Variants in GRM8 observed in about 807,000 individuals in gnomAD.
GRM8 encodes glutamate metabotropic receptor 8.
A neutral mutation model predicts 87.2 loss-of-function variants in GRM8; 47 were observed. The observed-to-expected ratio is 0.54, with a 90% CI of 0.43 to 0.69. The LOEUF is 0.69. Ranked by LOEUF, GRM8 falls within the 30% of genes least tolerant of loss-of-function variation. The probability of loss-of-function intolerance (pLI) is 0.00; values close to 1 mark genes in which losing one functional copy is unlikely to be tolerated. For missense variants in GRM8, 1,019 were observed against 1,139.2 expected, an observed-to-expected ratio of 0.89 and a Z score of 1.52; for synonymous variants, 396 against 404.5, an observed-to-expected ratio of 0.98 and a Z score of 0.25.
At chr7:126,849,669 T>C (rs1797025065) in intron 6 of GRM8, among the ~76,000 whole-genome samples, 1 of 152,152 alleles carries the variant, frequency 6.6e-6, no homozygotes, top group South Asian at 2.1e-4. Flanking sequence ...TCTCCTATCC[T>C]CACTGTCAGC....
At chr7:126,467,751 G>A (rs138114096) in intron 9 of GRM8, among the ~76,000 whole-genome samples, 165 of 152,036 alleles carry the variant, frequency 1.1e-3, no homozygotes, top group Non-Finnish European at 1.4e-3. Context: ...AATGTATTCT[G>A]AAAACAAAAT....
At chr7:126,582,654 T>G (rs570208597) in intron 8 of GRM8, among the ~76,000 whole-genome samples, 1 of 152,198 alleles carries the variant, frequency 6.6e-6, no homozygotes, top group Admixed American at 6.5e-5. Context: ...TCTGACTCTC[T>G]TATTAGGGCC....
At chr7:127,118,397 G>A (rs995855634) in intron 2 of GRM8, 1 of 152,022 alleles carries the variant, frequency 6.6e-6, no homozygotes, top group Non-Finnish European at 1.5e-5. Context: ...GTATCCAAAG[G>A]GCAATACATT....
chr7:127,191,916 T>G (rs1271589364), intron 2 of GRM8, among the ~76,000 whole-genome samples: 1 of 152,150 alleles, frequency 6.6e-6, no homozygotes. Flanking sequence ...TTAAATTGAT[T>G]TAGGGACACC....
chr7:127,023,256 T>G (rs1816454940), intron 3 of GRM8, among the ~76,000 whole-genome samples: 1 of 152,154 alleles, frequency 6.6e-6, no homozygotes, highest in South Asian at 2.1e-4. Flanking sequence ...AGTTTATTAT[T>G]ATGGCAAATC....
chr7:126,798,131 G>A (rs1265977478), intron 6 of GRM8, among the ~76,000 whole-genome samples: 1 of 151,020 alleles, frequency 6.6e-6, no homozygotes, highest in Non-Finnish European at 1.5e-5. Flanking sequence ...TCTTCAACTT[G>A]TCTTCCATTA....
chr7:127,101,348 T>C (rs1825223243), intron 3 of GRM8, among the ~76,000 whole-genome samples: 1 of 152,132 alleles, frequency 6.6e-6, no homozygotes, highest in South Asian at 2.1e-4. Flanking sequence ...AGCAGTTTCC[T>C]CCTGATATAA....
At chr7:126,941,379 G>A (rs17875119) in intron 3 of GRM8, among the ~76,000 whole-genome samples, 1,951 of 151,770 alleles carry the variant, frequency 0.013, 36 homozygotes, top group African/African-American at 0.045. Flanking sequence ...AGGCCGAAGC[G>A]GGTGGATCAT....
chr7:126,616,883 A>C (rs1217171851), intron 7 of GRM8, among the ~76,000 whole-genome samples: 2 of 152,240 alleles, frequency 1.3e-5, no homozygotes, highest in East Asian at 3.8e-4. Flanking sequence ...GGCAATAATT[A>C]ATAGCCTACC....
At chr7:126,978,428 G>T (rs1811219449) in intron 3 of GRM8, among the ~76,000 whole-genome samples, 1 of 152,140 alleles carries the variant, frequency 6.6e-6, no homozygotes, top group Non-Finnish European at 1.5e-5. Context: ...ATTTACCCTG[G>T]AGATCTGATC....
intron 7 of GRM8, among the ~76,000 whole-genome samples, chr7:126,692,752 T>C (rs1419418793): frequency 6.6e-6 from 1 of 152,158 alleles, no homozygotes; most frequent in Non-Finnish European, 1.5e-5. Flanking sequence ...TGAGGATGAG[T>C]TCCTTACTAA....
chr7:126,581,285 G>C (rs555987278), intron 8 of GRM8, among the ~76,000 whole-genome samples: 14 of 152,262 alleles, frequency 9.2e-5, no homozygotes, highest in Non-Finnish European at 1.8e-4. Context: ...AAGGGTAGCA[G>C]AATGGTATTA....
chr7:126,745,110 T>C (rs546853074), intron 7 of GRM8, among the ~76,000 whole-genome samples: 1 of 151,896 alleles, frequency 6.6e-6, no homozygotes, highest in Admixed American at 6.6e-5. Flanking sequence ...TTTTTAAGTG[T>C]AAAGGTTTGC....
intron 3 of GRM8, among the ~76,000 whole-genome samples, chr7:126,959,269 C>T (rs1026713571): frequency 2.0e-5 from 3 of 152,152 alleles, no homozygotes; most frequent in African/African-American, 7.2e-5. Context: ...GTGCCCAATG[C>T]TACAATACTA....
rs1286427740 is a variant in GRM8, at chr7:126,829,158, C to T, written c.1157-59093G>A. Among the ~76,000 whole-genome samples the T allele has an allele frequency of 4.0e-5, 6 of 149,956 alleles. No homozygotes were observed. The East Asian group carries it at 1.2e-3, about 29-fold the overall frequency. On this transcript the variant is annotated intron_variant, in intron 6 of 10. Coordinates refer to ENST00000339582, the MANE Select transcript of GRM8 (RefSeq NM_000845.3). ...ATTTTGGAATAGGTGTGGTGTGATG[C>T]TGAAAAAAATGTATATTCTGTTGAT...
chr7:126,659,045 C>T (rs902117553), intron 7 of GRM8, among the ~76,000 whole-genome samples: 3 of 141,028 alleles, frequency 2.1e-5, no homozygotes, highest in Admixed American at 2.1e-4. Flanking sequence ...CCCCCCGCCC[C>T]GCCCCCAGGT....
intron 9 of GRM8, among the ~76,000 whole-genome samples, chr7:126,498,963 A>G (rs889403129): frequency 6.6e-6 from 1 of 152,038 alleles, no homozygotes; most frequent in Admixed American, 6.6e-5. Flanking sequence ...TCATGACAAG[A>G]ATACAAATGC....
rs560349175 is a variant in GRM8, at chr7:126,611,077, T to C, written c.1358-1579A>G. Among the ~76,000 whole-genome samples the C allele has an allele frequency of 3.0e-4, 46 of 152,344 alleles. 1 individual carries two copies. In the East Asian group the frequency reaches 8.3e-3, roughly 27 times the overall value. Reference sequence around the variant, plus strand: ...AGAGCTGTAAATATGTACATTATTATTACTATTATTATTAATTCACATGAG... The same window carrying C: ...AGAGCTGTAAATATGTACATTATTACTACTATTATTATTAATTCACATGAG... On this transcript the variant is annotated intron_variant, in intron 7 of 10. Coordinates refer to ENST00000339582, the MANE Select transcript of GRM8 (RefSeq NM_000845.3).
intron 8 of GRM8, among the ~76,000 whole-genome samples, chr7:126,545,936 T>C (rs1817105397): frequency 6.6e-6 from 1 of 152,200 alleles, no homozygotes; most frequent in African/African-American, 2.4e-5. Context: ...GGAGATGTTC[T>C]GTTCAGTGCA....
Sources: allele counts gnomAD v4.1 joint callset (sites outside exome capture counted in the v4.1 genomes callset), GRCh38; gene constraint gnomAD v4.1.1; transcripts MANE v1.5; gene names NCBI Gene and HGNC (gene_info 2026-07-23, HGNC 2026-07-21).